The following EPC1 variants were observed in gnomAD, a reference collection of about 807,000 sequenced individuals.
EPC1 encodes enhancer of polycomb 1, also known as enhancer of polycomb homolog 1.
EPC1 carries 12 observed loss-of-function variants against 98.4 expected under a neutral mutation model. The ratio of observed to expected loss-of-function variants is 0.12; its 90% CI spans 0.08 to 0.20. The LOEUF (loss-of-function observed/expected upper bound fraction) is 0.20. Ranked by LOEUF, EPC1 falls within the 10% of genes least tolerant of loss-of-function variation. The pLI, the probability that EPC1 is intolerant of heterozygous loss-of-function variation, is 1.00. For missense variants in EPC1, 729 were observed against 990.5 expected (o/e 0.74, Z 3.54); for synonymous variants, 357 against 363.9 (o/e 0.98, Z 0.21).
intron 1 of EPC1, among the ~76,000 whole-genome samples, chr10:32,341,097 G>A (rs1356883654): frequency 6.6e-6 from 1 of 151,938 alleles, no homozygotes; most frequent in African/African-American, 2.4e-5. Flanking sequence ...ATTTCCTTGT[G>A]CATCTCTTCT....
At chr10:32,342,151 C>G (rs1838401548) in intron 1 of EPC1, among the ~76,000 whole-genome samples, 1 of 152,178 alleles carries the variant, frequency 6.6e-6, no homozygotes, top group Admixed American at 6.5e-5. Flanking sequence ...TTCAAACTAT[C>G]TGTAATTAGT....
intron 1 of EPC1, among the ~76,000 whole-genome samples, chr10:32,362,869 C>T (rs1264610757): frequency 1.3e-5 from 2 of 152,090 alleles, no homozygotes; most frequent in African/African-American, 4.8e-5. Flanking sequence ...GAAGCAGTAC[C>T]CTTAAGGCAG....
intron 2 of EPC1, among the ~76,000 whole-genome samples, chr10:32,295,199 G>T (rs1486864746): frequency 3.3e-5 from 5 of 152,122 alleles, no homozygotes; most frequent in Non-Finnish European, 7.4e-5. Flanking sequence ...GCTAAGTGGA[G>T]GGTAACAGGT....
intron 1 of EPC1, among the ~76,000 whole-genome samples, chr10:32,314,517 A>C (rs1836440371): frequency 6.6e-6 from 1 of 152,112 alleles, no homozygotes; most frequent in African/African-American, 2.4e-5. Context: ...ATGTATTTTT[A>C]TTATTTGCAA....
At chr10:32,275,591 C>A (rs1235473999) in intron 10 of EPC1, among the ~76,000 whole-genome samples, 3 of 139,638 alleles carry the variant, frequency 2.1e-5, no homozygotes, top group Non-Finnish European at 4.6e-5. Flanking sequence ...ACAGTGAAAC[C>A]CCATCTCTAC....
At chr10:32,373,069 A>G (rs919140521) in intron 1 of EPC1, among the ~76,000 whole-genome samples, 2 of 152,170 alleles carry the variant, frequency 1.3e-5, no homozygotes, top group South Asian at 2.1e-4. Context: ...CAATTTTACA[A>G]ATATCTCATG....
chr10:32,308,920 G>A (rs962502604), intron 1 of EPC1, among the ~76,000 whole-genome samples: 8 of 152,074 alleles, frequency 5.3e-5, no homozygotes, highest in African/African-American at 1.9e-4. Flanking sequence ...AAGGAAATGT[G>A]GAACTACACA....
intron 2 of EPC1, among the ~76,000 whole-genome samples, chr10:32,295,705 G>A (rs918258522): frequency 3.9e-5 from 6 of 152,044 alleles, no homozygotes; most frequent in Middle Eastern, 3.2e-3. Context: ...AGCCATGTGC[G>A]GCTAACTGAA....
At chr10:32,309,798 TTTA>T (rs1200277005) in intron 1 of EPC1, among the ~76,000 whole-genome samples, 1 of 150,346 alleles carries the variant, frequency 6.7e-6, no homozygotes. Flanking sequence ...AGGTTTCTCA[TTTA>T]TTTTTTTCAA....
intron 2 of EPC1, among the ~76,000 whole-genome samples, chr10:32,301,340 A>G (rs916741563): frequency 1.3e-5 from 2 of 152,222 alleles, no homozygotes; most frequent in African/African-American, 2.4e-5. Flanking sequence ...ATTCACATAG[A>G]AAAGATGTCA....
chr10:32,365,819 C>CAA (rs55769539), intron 1 of EPC1, among the ~76,000 whole-genome samples: 10 of 38,432 alleles, frequency 2.6e-4, no homozygotes, highest in African/African-American at 1.4e-3. Context: ...CTCCGTCTCA[C>CAA]AAAAAAAAAA....
chr10:32,296,422 G>A (rs1835161605), intron 2 of EPC1, among the ~76,000 whole-genome samples: 2 of 152,098 alleles, frequency 1.3e-5, no homozygotes, highest in South Asian at 2.1e-4. Context: ...CATAGCTTCT[G>A]GTAGATATTA....
At chr10:32,287,587 C>T (rs1009702117) in intron 6 of EPC1, among the ~76,000 whole-genome samples, 2 of 152,120 alleles carry the variant, frequency 1.3e-5, no homozygotes, top group African/African-American at 4.8e-5. Context: ...TGGCTCCTCC[C>T]ATTTTCTTAA....
intron 1 of EPC1, among the ~76,000 whole-genome samples, chr10:32,314,011 C>T (rs964881838): frequency 8.6e-5 from 13 of 152,020 alleles, no homozygotes; most frequent in Non-Finnish European, 1.5e-4. Context: ...AAAATATTTA[C>T]GATAATTAGG....
chr10:32,342,998 A>G (rs977327718), intron 1 of EPC1, among the ~76,000 whole-genome samples: 3 of 152,234 alleles, frequency 2.0e-5, no homozygotes, highest in African/African-American at 7.2e-5. Flanking sequence ...TATAAAGATA[A>G]TTAAATTATA....
intron 1 of EPC1, among the ~76,000 whole-genome samples, chr10:32,309,493 C>CTTTTTTTTTTT (rs67775039): frequency 2.8e-5 from 4 of 142,440 alleles, no homozygotes; most frequent in Non-Finnish European, 3.0e-5. Flanking sequence ...TATTTTCAAG[C>CTTTTTTTTTTT]TTTTTTTTTT....
In EPC1 at chr10:32,310,681, C is replaced by T. The variant is rs533781400; in HGVS notation, c.154-4750G>A. 1.2e-3 allele frequency among the ~76,000 whole-genome samples: 179 copies of T among 152,282 alleles called. 1 individual carries two copies. The highest frequency in any genetic ancestry group is 2.2e-3 in the Non-Finnish European group (149 of 68,018). ...CTGAGGTCAGGAGTTCAAGACCAGCCTGGCTAACATGGTAAAACCCTGTCT... is the reference window on the plus strand; with the variant it reads ...CTGAGGTCAGGAGTTCAAGACCAGCTTGGCTAACATGGTAAAACCCTGTCT... On this transcript the variant is annotated intron_variant, in intron 1 of 13. Transcript: ENST00000319778.
intron 2 of EPC1, among the ~76,000 whole-genome samples, chr10:32,302,603 CTG>C (rs1159481910): frequency 7.3e-6 from 1 of 137,248 alleles, no homozygotes; most frequent in Non-Finnish European, 1.5e-5. Context: ...TGAGCCGAGA[CTG>C]TACCACTGCA....
chr10:32,372,819 G>A (rs563665117), intron 1 of EPC1, among the ~76,000 whole-genome samples: 32 of 152,280 alleles, frequency 2.1e-4, no homozygotes, highest in African/African-American at 7.5e-4. Context: ...TCAGGAGTTC[G>A]AGACTAGCCT....
Sources: gnomAD v4.1 joint callset for allele counts (sites outside exome capture counted in the v4.1 genomes callset) on GRCh38, gnomAD v4.1.1 for gene constraint, MANE v1.5 for transcripts, NCBI Gene and HGNC (gene_info 2026-07-23, HGNC 2026-07-21) for gene names.